Variants in HMCN1 observed in about 807,000 individuals in gnomAD.
HMCN1 encodes the protein hemicentin-1.
A neutral mutation model predicts 625.9 loss-of-function variants in HMCN1; 321 were observed. The ratio of observed to expected loss-of-function variants is 0.51; its 90% CI spans 0.47 to 0.56. The LOEUF (loss-of-function observed/expected upper bound fraction) is 0.56, where lower values mean the gene tolerates loss of function less well. HMCN1 is among the 20% of genes least tolerant of loss of function. The pLI is 0.00. For synonymous variants in HMCN1, 2,425 were observed against 2,417.6 expected (o/e 1.00, Z -0.09); for missense variants, 6,588 against 6,887.3 (o/e 0.96, Z 1.54).
At chr1:185,973,329 G>A (rs934998477) in intron 15 of HMCN1, among the ~76,000 whole-genome samples, 6 of 152,072 alleles carry the variant, frequency 3.9e-5, no homozygotes, top group African/African-American at 1.4e-4. Context: ...TATAATAGCA[G>A]CTTAGTATTT....
chr1:186,028,079 C>T (rs1220777055), intron 36 of HMCN1, among the ~76,000 whole-genome samples: 1 of 152,010 alleles, frequency 6.6e-6, no homozygotes, highest in African/African-American at 2.4e-5. Flanking sequence ...AGAATATTAA[C>T]TCACAAAAAT....
intron 81 of HMCN1, among the ~76,000 whole-genome samples, chr1:186,124,335 G>T (rs1267867964): frequency 1.3e-5 from 2 of 151,912 alleles, no homozygotes; most frequent in Non-Finnish European, 2.9e-5. Context: ...ATAAAGACAT[G>T]ACATATCAAA....
At chr1:185,988,830 C>T (rs1430990840) in intron 20 of HMCN1, among the ~76,000 whole-genome samples, 1 of 152,100 alleles carries the variant, frequency 6.6e-6, no homozygotes, top group African/African-American at 2.4e-5. Context: ...GTAGTTGCTA[C>T]TCATAAGATT....
intron 1 of HMCN1, 58 bp from the exon 2 acceptor site, chr1:185,845,968 A>G (rs1661787238): frequency 1.8e-6 from 2 of 1,087,146 alleles, no homozygotes; most frequent in South Asian, 2.5e-5. Flanking sequence ...TAAACACAAG[A>G]AAGTCTTTAA....
At chr1:186,139,190 A>C (rs942539461) in intron 89 of HMCN1, among the ~76,000 whole-genome samples, 2 of 152,240 alleles carry the variant, frequency 1.3e-5, no homozygotes, top group Non-Finnish European at 2.9e-5. Context: ...TTCACTAAGG[A>C]TAGACAGCTA....
At position 185,752,470 on chromosome 1, in the gene HMCN1, C is replaced by G. The variant is rs188114130; in HGVS notation, c.268+17423C>G. 3.2e-3 allele frequency among the ~76,000 whole-genome samples: 484 copies of G among 152,144 alleles called. 1 individual carries two copies. Among genetic ancestry groups the G allele is most frequent in the African/African-American group, 0.011 (466 of 41,496 alleles). On this transcript the variant is annotated intron_variant, in intron 1 of 106. Transcript: ENST00000271588. ...TTTTGAGCTTCTTTTTTATTTTGGG[C>G]GTTGGAATATTTCCCCTTATTCTTA...
rs1356463397 is a variant in HMCN1, at chr1:186,139,420, T to C, written c.13924+1448T>C. 2.0e-5 allele frequency among the ~76,000 whole-genome samples: 3 copies of C among 152,212 alleles called. No individual in the cohort carries two copies. The East Asian group carries it at 5.8e-4, about 29-fold the overall frequency. On this transcript the variant is annotated intron_variant, in intron 89 of 106. Transcript: ENST00000271588. Reference sequence around the variant, plus strand: ...GTTCTAAATTTAAAAGAGCAGGAAATACTTGATTGAGCAATTTTGTGTAAT... The same window carrying C: ...GTTCTAAATTTAAAAGAGCAGGAAACACTTGATTGAGCAATTTTGTGTAAT...
chr1:186,041,130 G>T lies in HMCN1; in HGVS notation c.6298G>T (p.Val2100Leu), dbSNP rs780623862. Reference protein sequence around the residue: ...GEKQRDIDLRVYVPPNIMGEE... With the variant: ...GEKQRDIDLRLYVPPNIMGEE... ...AAAGCAAAGGGACATTGACCTCCGA[G>T]TATATGGTGAGACATTTTAGTAATT... The change falls in exon 40 of 107, where the codon GTA (valine) becomes TTA (leucine). Residue 2100 changes from valine to leucine, a missense_variant. Transcript: ENST00000271588. 2.5e-6 allele frequency: 4 copies of T among 1,612,428 alleles called. No individual in the cohort carries two copies. The highest frequency in any genetic ancestry group is 3.4e-6 in the Non-Finnish European group (4 of 1,178,770).
At chr1:185,892,261 C>T (rs1045647950) in intron 4 of HMCN1, among the ~76,000 whole-genome samples, 1 of 151,114 alleles carries the variant, frequency 6.6e-6, no homozygotes, top group African/African-American at 2.5e-5. Context: ...TTTGAATGTC[C>T]TCCCGTAGCT....
At chr1:186,069,853 G>A in intron 51 of HMCN1, 77 bp downstream of exon 51, 2 of 890,024 alleles carry the variant, frequency 2.2e-6, no homozygotes, top group Middle Eastern at 2.2e-4. Flanking sequence ...TTCATTATGG[G>A]TTCATAATTA....
chr1:185,740,954 A>G (rs917466622), intron 1 of HMCN1, among the ~76,000 whole-genome samples: 48 of 152,184 alleles, frequency 3.2e-4, no homozygotes, highest in African/African-American at 1.1e-3. Flanking sequence ...AGATTGGACC[A>G]TTGCACTCAA....
intron 4 of HMCN1, among the ~76,000 whole-genome samples, chr1:185,885,351 G>T (rs1336145260): frequency 1.3e-5 from 2 of 151,848 alleles, no homozygotes; most frequent in Non-Finnish European, 2.9e-5. Flanking sequence ...TGATTATATG[G>T]TTTTTGAAAA....
At chr1:185,956,197 AT>A (rs200959102) in intron 11 of HMCN1, among the ~76,000 whole-genome samples, 5 of 151,496 alleles carry the variant, frequency 3.3e-5, no homozygotes, top group East Asian at 1.9e-4. Flanking sequence ...GATATGTGGG[AT>A]TTTTTTTTCC....
At position 185,917,020 on chromosome 1, in the gene HMCN1, T is replaced by C. The variant is rs761171863; in HGVS notation, c.900+5240T>C. ...TTACCCAGTAGGCAAGCTGTTATCA[T>C]GGCCTAGTGGTATACTAGAGCTAGC... On this transcript the variant is annotated intron_variant, in intron 6 of 106. Transcript: ENST00000271588. 2.6e-5 allele frequency among the ~76,000 whole-genome samples: 4 copies of C among 152,292 alleles called. No homozygotes were observed. In the Middle Eastern group the frequency reaches 0.014, roughly 518 times the overall value.
At chr1:185,976,271 GA>G (rs1198906722) in intron 15 of HMCN1, among the ~76,000 whole-genome samples, 2 of 152,136 alleles carry the variant, frequency 1.3e-5, no homozygotes, top group Non-Finnish European at 2.9e-5. Flanking sequence ...ACATTTGTGG[GA>G]GATGGTAATA....
At chr1:185,772,811 C>T (rs996799034) in intron 1 of HMCN1, among the ~76,000 whole-genome samples, 7 of 152,064 alleles carry the variant, frequency 4.6e-5, no homozygotes, top group Non-Finnish European at 7.4e-5. Flanking sequence ...AAGGTGTTGG[C>T]ATCTGGTTGG....
chr1:185,900,061 G>A (rs568632657), intron 4 of HMCN1, among the ~76,000 whole-genome samples: 1 of 151,718 alleles, frequency 6.6e-6, no homozygotes, highest in South Asian at 2.1e-4. Flanking sequence ...TGTTGAAAAT[G>A]TCCTCCTGCC....
chr1:185,779,431 T>A (rs1656887324), intron 1 of HMCN1, among the ~76,000 whole-genome samples: 1 of 152,234 alleles, frequency 6.6e-6, no homozygotes, highest in African/African-American at 2.4e-5. Context: ...CACGCCTATG[T>A]CCTGAATGGT....
chr1:186,080,544 C>T (rs979915733), intron 55 of HMCN1, among the ~76,000 whole-genome samples: 4 of 152,124 alleles, frequency 2.6e-5, no homozygotes, highest in Non-Finnish European at 5.9e-5. Context: ...GTAGAAAAAT[C>T]TAGAGTGGGA....
Sources: gnomAD v4.1 joint callset for allele counts (sites outside exome capture counted in the v4.1 genomes callset) on GRCh38, gnomAD v4.1.1 for gene constraint, MANE v1.5 for transcripts, NCBI Gene and HGNC (gene_info 2026-07-23, HGNC 2026-07-21) for gene names.